Variants in HTR2C observed in about 807,000 individuals in gnomAD.
HTR2C encodes 5-hydroxytryptamine (serotonin) receptor 2C, G protein-coupled.
In HTR2C, 5 loss-of-function variants were observed where a neutral mutation model predicts 21.0. The observed-to-expected ratio is 0.24, with a 90% CI of 0.12 to 0.50. HTR2C has a LOEUF of 0.50. HTR2C is among the 20% of genes least tolerant of loss of function. The probability of loss-of-function intolerance (pLI) is 0.98; values close to 1 mark genes in which losing one functional copy is unlikely to be tolerated. For missense variants in HTR2C, 271 were observed against 371.2 expected, an observed-to-expected ratio of 0.73 and a Z score of 2.22; for synonymous variants, 150 against 145.3, an observed-to-expected ratio of 1.03 and a Z score of -0.23.
At chrX:114,701,748 C>T (rs782654144) in intron 2 of HTR2C, among the ~76,000 whole-genome samples, 16 of 111,896 alleles carry the variant, frequency 1.4e-4, no homozygotes, top group South Asian at 3.7e-4. Flanking sequence ...AGGCTTCAGA[C>T]GATCAAACTA....
chrX:114,783,376 G>T (rs1223061133), intron 4 of HTR2C, among the ~76,000 whole-genome samples: 2 of 111,700 alleles, frequency 1.8e-5, no homozygotes, highest in African/African-American at 6.5e-5. Flanking sequence ...AACATTACTG[G>T]AGACGTAGCT....
At chrX:114,704,369 G>T (rs1556417552) in intron 2 of HTR2C, among the ~76,000 whole-genome samples, 1 of 111,440 alleles carries the variant, frequency 9.0e-6, no homozygotes, top group African/African-American at 3.3e-5. Context: ...CCATGATCAA[G>T]TGGGCTTCAT....
At chrX:114,852,093 T>C (rs1248489785) in intron 5 of HTR2C, among the ~76,000 whole-genome samples, 3 of 111,498 alleles carry the variant, frequency 2.7e-5, no homozygotes, top group Admixed American at 9.6e-5. Flanking sequence ...AATGCAATGT[T>C]TAAAATTTCA....
Position 114,845,714 on chromosome X carries a change from T to C in HTR2C, c.350-2289T>C, listed in dbSNP as rs959171367. Among the ~76,000 whole-genome samples, 3 of 109,868 alleles carry C rather than the reference T, an allele frequency of 2.7e-5. No individual in the cohort carries two copies. The Admixed American group carries it at 2.9e-4, about 11-fold the overall frequency. ...ACTAACCTTACAGAAATTAAAAGGA[T>C]TGGCTGGCCAATCCTCCTGGTGTGG... On this transcript the variant is annotated intron_variant, in intron 4 of 5. Coordinates refer to ENST00000276198, the MANE Select transcript of HTR2C (RefSeq NM_000868.4).
At chrX:114,892,762 TATTA>T (rs1556483049) in intron 5 of HTR2C, among the ~76,000 whole-genome samples, 1 of 110,238 alleles carries the variant, frequency 9.1e-6, no homozygotes, top group Non-Finnish European at 1.9e-5. Context: ...AATGGAATGA[TATTA>T]CATGTTTTTG....
chrX:114,825,769 C>T (rs1174499203), intron 4 of HTR2C, among the ~76,000 whole-genome samples: 1 of 111,246 alleles, frequency 9.0e-6, no homozygotes, highest in Non-Finnish European at 1.9e-5. Flanking sequence ...TCTGCTCTAC[C>T]ATTGTTGTGC....
At chrX:114,864,717 A>T (rs1157767523) in intron 5 of HTR2C, among the ~76,000 whole-genome samples, 1 of 110,835 alleles carries the variant, frequency 9.0e-6, no homozygotes, top group Non-Finnish European at 1.9e-5. Context: ...TTTCCACTTG[A>T]AGAACTCCCT....
chrX:114,718,920 A>G lies in HTR2C; in HGVS notation c.-79-7938A>G, dbSNP rs782376549. 1.6e-3 allele frequency among the ~76,000 whole-genome samples: 159 copies of G among 102,130 alleles called. 1 individual carries two copies. Among genetic ancestry groups the G allele is most frequent in the African/African-American group, 5.3e-3 (151 of 28,305 alleles). 88.7% of individuals were successfully genotyped at this position (102,130 alleles called of 115,157 possible). A position where few individuals can be genotyped will look rare whatever the true frequency, so the allele number is the denominator to read the frequency against. On this transcript the variant is annotated intron_variant, in intron 2 of 5. Coordinates refer to ENST00000276198, the MANE Select transcript of HTR2C (RefSeq NM_000868.4). ...TAATTATAAATTATATTAATTTTAT[A>G]TAATTATATATATAATATAATATAA...
chrX:114,646,843 G>T (rs1930379168), intron 2 of HTR2C, among the ~76,000 whole-genome samples: 2 of 112,218 alleles, frequency 1.8e-5, no homozygotes, highest in African/African-American at 6.5e-5. Flanking sequence ...TGTATTTGAT[G>T]TGAAAGATAA....
chrX:114,608,415 C>A (rs1328104559), intron 1 of HTR2C, among the ~76,000 whole-genome samples: 1 of 100,602 alleles, frequency 9.9e-6, no homozygotes, highest in Non-Finnish European at 2.0e-5. Context: ...ACTCCACATA[C>A]TTCTTCAACC....
intron 4 of HTR2C, among the ~76,000 whole-genome samples, chrX:114,760,958 C>T (rs1361982837): frequency 2.7e-5 from 3 of 111,550 alleles, no homozygotes; most frequent in Non-Finnish European, 5.6e-5. Context: ...TAGCATGCAA[C>T]CCATGCAATC....
rs149336651 is a variant in HTR2C at position 114,826,243 on chromosome X, T to A, written c.350-21760T>A. 9.4e-3 allele frequency among the ~76,000 whole-genome samples: 1,033 copies of A among 110,296 alleles called. 15 individuals carry two copies. Among genetic ancestry groups the A allele is most frequent in the African/African-American group, 0.033 (982 of 30,211 alleles). ...ATGCCACGATGCCGGGCTAAGTTTTTAAAGTATTTGTAGAGACAGGATCTC... is the reference window on the plus strand; with the variant it reads ...ATGCCACGATGCCGGGCTAAGTTTTAAAAGTATTTGTAGAGACAGGATCTC... On this transcript the variant is annotated intron_variant, in intron 4 of 5. Transcript: ENST00000276198.
At chrX:114,900,699 T>C (rs1556485073) in intron 5 of HTR2C, 1 of 112,325 alleles carries the variant, frequency 8.9e-6, no homozygotes, top group African/African-American at 3.2e-5. Flanking sequence ...TGTTTTCATT[T>C]TGATGTTTAT....
chrX:114,633,945 T>TAG (rs1216290509), intron 2 of HTR2C, among the ~76,000 whole-genome samples: 1 of 25,874 alleles, frequency 3.9e-5, no homozygotes, highest in African/African-American at 1.3e-4. Context: ...TATATATATA[T>TAG]ATAGAGAGAG....
chrX:114,699,674 C>T (rs1450201733), intron 2 of HTR2C, among the ~76,000 whole-genome samples: 3 of 112,054 alleles, frequency 2.7e-5, no homozygotes, highest in African/African-American at 9.7e-5. Context: ...AGTGCTATGG[C>T]TAATGGGCAT....
At chrX:114,603,601 G>A (rs1556395673) in intron 1 of HTR2C, among the ~76,000 whole-genome samples, 1 of 90,991 alleles carries the variant, frequency 1.1e-5, no homozygotes, top group Non-Finnish European at 2.1e-5. Flanking sequence ...GAATTATGCC[G>A]AGATAGGTAA....
intron 2 of HTR2C, among the ~76,000 whole-genome samples, chrX:114,668,594 G>C (rs1285988365): frequency 3.0e-4 from 33 of 111,221 alleles, no homozygotes; most frequent in African/African-American, 1.1e-3. Flanking sequence ...GTAAAAATAG[G>C]TATTACAGTA....
At chrX:114,643,897 A>G (rs189355008) in intron 2 of HTR2C, among the ~76,000 whole-genome samples, 1 of 111,791 alleles carries the variant, frequency 8.9e-6, no homozygotes, top group African/African-American at 3.3e-5. Flanking sequence ...GTTTTTGGTC[A>G]TTTTATTCCC....
Position 114,855,746 on chromosome X carries a change from CTTTTTTTTTTTTTTTTTTTTT to C in HTR2C, c.550+7562_550+7582del, listed in dbSNP as rs782183285. 5.7e-3 allele frequency among the ~76,000 whole-genome samples: 102 copies of C among 17,929 alleles called. 2 individuals carry two copies. The Admixed American group carries it at 0.083, about 15-fold the overall frequency. The allele number at this position is 17,929 out of a possible 115,157, so 15.6% of individuals were successfully genotyped here. A position where few individuals can be genotyped will look rare whatever the true frequency, so the allele number is the denominator to read the frequency against. On this transcript the variant is annotated intron_variant, in intron 5 of 5. Coordinates refer to ENST00000276198, the MANE Select transcript of HTR2C (RefSeq NM_000868.4). ...AGGTACTTTTTCTCAAAGCAACCAT[CTTTTTTTTTTTTTTTTTTTTT>C]TTTTTTTTTTTTTTTTTTACCAAAG...
Sources: gnomAD v4.1 joint callset for allele counts (sites outside exome capture counted in the v4.1 genomes callset) on GRCh38, gnomAD v4.1.1 for gene constraint, MANE v1.5 for transcripts, NCBI Gene and HGNC (gene_info 2026-07-23, HGNC 2026-07-21) for gene names.